Variants in GTSF1 observed in about 807,000 individuals in gnomAD.
GTSF1 encodes the protein gametocyte-specific factor 1.
Under a neutral mutation model 28.9 loss-of-function variants are expected in GTSF1, and 11 were observed. The observed-to-expected ratio is 0.38, with a 90% CI of 0.24 to 0.63. The LOEUF is 0.63. Among genes scored for constraint, GTSF1 ranks in the 30% least tolerant of loss-of-function variants. The pLI is 0.56. For missense variants in GTSF1, 146 were observed against 201.0 expected, an observed-to-expected ratio of 0.73 and a Z score of 1.66; for synonymous variants, 69 against 65.6, an observed-to-expected ratio of 1.05 and a Z score of -0.25.
chr12:54,462,687 C>T lies in GTSF1; in HGVS notation c.283G>A (p.Glu95Lys), dbSNP rs752555359. The T allele has an allele frequency of 1.2e-6, 2 of 1,614,132 alleles. No individual in the cohort carries two copies. The highest frequency in any genetic ancestry group is 2.2e-5 in the South Asian group (2 of 91,076). The change falls in exon 5 of 9, where the codon GAG (glutamate) becomes AAG (lysine). Residue 95 changes from glutamate to lysine, a missense_variant. By Grantham distance (56) the Glu-to-Lys change is moderately conservative. Coordinates refer to ENST00000305879, the MANE Select transcript of GTSF1 (RefSeq NM_144594.3). ...TRSLRQETLA[E>K]STWQCPPCDE... Reference sequence around the variant, plus strand: ...CAAGGAGGGCACTGCCAAGTGCTCTCAGCCAGAGTCTCTTGTCTAAGGCTC... The same window carrying T: ...CAAGGAGGGCACTGCCAAGTGCTCTTAGCCAGAGTCTCTTGTCTAAGGCTC...
At chr12:54,467,620 C>T (rs1448346436) in intron 2 of GTSF1, among the ~76,000 whole-genome samples, 1 of 150,426 alleles carries the variant, frequency 6.6e-6, no homozygotes. Context: ...CGGCCATTTC[C>T]TTTATCTTCT....
Position 54,462,859 on chromosome 12 carries a change from T to C in GTSF1, c.245-134A>G, listed in dbSNP as rs1592318698. 1.7e-5 allele frequency: 11 copies of C among 657,750 alleles called. No homozygotes were observed. The East Asian group carries it at 3.0e-4, about 18-fold the overall frequency. 40.7% of individuals were successfully genotyped at this position (657,750 alleles called of 1,614,324 possible). On this transcript the variant is annotated intron_variant, in intron 4 of 8. Coordinates refer to ENST00000305879, the MANE Select transcript of GTSF1 (RefSeq NM_144594.3). ...TCTGAAAAATGGATAGTATAAAAGC[T>C]AAAAGAGGGATCTTATCTCTTTGCT... is the stretch of plus-strand genomic sequence containing the variant.
chr12:54,463,592 TCCC>T (rs1204394830), intron 3 of GTSF1, among the ~76,000 whole-genome samples: 2 of 152,146 alleles, frequency 1.3e-5, no homozygotes, highest in African/African-American at 4.8e-5. Flanking sequence ...ACGACATCTT[TCCC>T]CCATTTATTT....
rs73308592 is a variant in GTSF1 at position 54,470,227 on chromosome 12, T to G, written c.16+1006A>C. Among the ~76,000 whole-genome samples, 1,052 of 152,210 alleles carry G rather than the reference T, an allele frequency of 6.9e-3. 19 individuals carry two copies. The highest frequency in any genetic ancestry group is 0.024 in the African/African-American group (997 of 41,542). ...AAAAATTAAGGGGCAGGGGATCCCT[T>G]TTCTCAAGTGTGGTCCTCAGATCAG... On this transcript the variant is annotated intron_variant, in intron 2 of 8. Transcript: ENST00000305879.
chr12:54,471,912 C>A, intron 1 of GTSF1: 1 of 153,984 alleles, frequency 6.5e-6, no homozygotes, highest in Non-Finnish European at 1.4e-5. Context: ...AAAAAACAAA[C>A]TTAGCCAGGC....
chr12:54,458,871 A>G (rs1956376185), intron 8 of GTSF1, among the ~76,000 whole-genome samples: 1 of 152,166 alleles, frequency 6.6e-6, no homozygotes, highest in South Asian at 2.1e-4. Context: ...GTTAGAGAAA[A>G]CAAATTGGCA....
At chr12:54,457,985 T>C (rs1013560026) in intron 8 of GTSF1, among the ~76,000 whole-genome samples, 1 of 152,212 alleles carries the variant, frequency 6.6e-6, no homozygotes, top group Non-Finnish European at 1.5e-5. Flanking sequence ...TACTACAAAA[T>C]GAAACTAACT....
At chr12:54,463,002 G>T (rs1442044656) in intron 4 of GTSF1, among the ~76,000 whole-genome samples, 169 bp downstream of exon 4, 1 of 152,198 alleles carries the variant, frequency 6.6e-6, no homozygotes, top group East Asian at 1.9e-4. Flanking sequence ...AAAACAGTAT[G>T]ACATGTACAA....
chr12:54,471,325 C>A, intron 1 of GTSF1, 48 bp from the exon 2 acceptor site: 6 of 1,349,780 alleles, frequency 4.4e-6, no homozygotes, highest in East Asian at 2.4e-5. Flanking sequence ...TAAAATGTAC[C>A]AAAAGGTAAC....
At chr12:54,462,532 G>C in intron 5 of GTSF1, 110 bp downstream of exon 5, 8 of 842,418 alleles carry the variant, frequency 9.5e-6, no homozygotes, top group Admixed American at 2.3e-5. Context: ...AAATAATAAG[G>C]CATTCTGAAC....
At chr12:54,466,878 C>T (rs1053364362) in intron 2 of GTSF1, 14 of 141,556 alleles carry the variant, frequency 9.9e-5, no homozygotes, top group South Asian at 2.2e-4. Context: ...TGAAGTGGCG[C>T]GATCTCGGCC....
rs550791791 is a variant in GTSF1, at chr12:54,462,521, A to C, written c.328+121T>G. ...AATGTGCTCGTTTTGGGGCCCAATA[A>C]AAATAATAAGGCATTCTGAACAACA... On this transcript the variant is annotated intron_variant, in intron 5 of 8. Transcript: ENST00000305879. The C allele has an allele frequency of 8.7e-6, 7 of 802,204 alleles. No homozygotes were observed. The East Asian group carries it at 1.7e-4, about 20-fold the overall frequency. The allele number at this position is 802,204 out of a possible 1,614,324, so 49.7% of individuals were successfully genotyped here.
At chr12:54,466,141 G>A (rs1413476801) in intron 2 of GTSF1, among the ~76,000 whole-genome samples, 1 of 152,178 alleles carries the variant, frequency 6.6e-6, no homozygotes, top group Non-Finnish European at 1.5e-5. Flanking sequence ...AGATGACCAG[G>A]CTGTGCCCCA....
chr12:54,457,588 TTTTG>T (rs1367169135), intron 8 of GTSF1, among the ~76,000 whole-genome samples: 3 of 152,184 alleles, frequency 2.0e-5, no homozygotes, highest in African/African-American at 7.2e-5. Flanking sequence ...CCCTCCCTGC[TTTTG>T]TTTAAGACAC....
chr12:54,465,831 C>G (rs566552439), intron 2 of GTSF1, among the ~76,000 whole-genome samples: 11 of 152,274 alleles, frequency 7.2e-5, no homozygotes, highest in African/African-American at 2.6e-4. Flanking sequence ...TTTCATCTGT[C>G]TACTTTAACT....
At chr12:54,458,541 T>C (rs1190378190) in intron 8 of GTSF1, among the ~76,000 whole-genome samples, 1 of 151,898 alleles carries the variant, frequency 6.6e-6, no homozygotes, top group Non-Finnish European at 1.5e-5. Context: ...CCGGCTAATT[T>C]TTGAATTTTT....
At chr12:54,470,163 A>G (rs528666491) in intron 2 of GTSF1, among the ~76,000 whole-genome samples, 1 of 152,308 alleles carries the variant, frequency 6.6e-6, no homozygotes, top group East Asian at 1.9e-4. Flanking sequence ...GTGACAGAGC[A>G]AGACTCTGTC....
Position 54,462,170 on chromosome 12 carries a change from A to G in GTSF1, c.331T>C (p.Leu111=). The G allele has an allele frequency of 6.2e-7, 1 of 1,612,684 alleles. No individual in the cohort carries two copies. The change falls in exon 6 of 9, where the codon TTG becomes CTG. Residue 111 remains leucine (L), a splice_region_variant and synonymous_variant. Coordinates refer to ENST00000305879, the MANE Select transcript of GTSF1 (RefSeq NM_144594.3). The part of the protein sequence containing the change: ...PPCDEDWDKD[L]WEQTSTPFVW... ...AATGGGGTGCTGGTCTGCTCCCACA[A>G]ATCTGTTAAAGGAAGCAAAACATAG...
intron 7 of GTSF1, chr12:54,459,498 A>G: frequency 8.0e-7 from 1 of 1,257,798 alleles, no homozygotes. Flanking sequence ...AGTAAAAATG[A>G]CAGTATCTTG....
Sources: allele counts gnomAD v4.1 joint callset (sites outside exome capture counted in the v4.1 genomes callset), GRCh38; gene constraint gnomAD v4.1.1; transcripts MANE v1.5; gene names NCBI Gene and HGNC (gene_info 2026-07-23, HGNC 2026-07-21).